Variants in PDE10A observed in about 807,000 individuals in gnomAD.
The protein encoded by PDE10A is phosphodiesterase 10A.
A neutral mutation model predicts 97.7 loss-of-function variants in PDE10A; 39 were observed. The observed-to-expected ratio is 0.40, with a 90% CI of 0.31 to 0.52. The LOEUF (loss-of-function observed/expected upper bound fraction) is 0.52, where lower values mean the gene tolerates loss of function less well. Ranked by LOEUF, PDE10A falls within the 20% of genes least tolerant of loss-of-function variation. The probability of loss-of-function intolerance (pLI) is 0.56; values close to 1 mark genes in which losing one functional copy is unlikely to be tolerated. For missense variants in PDE10A, 731 were observed against 1,047.8 expected, an observed-to-expected ratio of 0.70 and a Z score of 4.17; for synonymous variants, 371 against 376.8, an observed-to-expected ratio of 0.98 and a Z score of 0.18.
intron 1 of PDE10A, among the ~76,000 whole-genome samples, chr6:165,803,461 G>A (rs1779036201): frequency 6.6e-6 from 1 of 152,196 alleles, no homozygotes; most frequent in Non-Finnish European, 1.5e-5. Flanking sequence ...AATACAGGAG[G>A]GCACTGGTGG....
Position 165,788,518 on chromosome 6 carries a change from CAA to C in PDE10A, c.-615+199009_-615+199010del, listed in dbSNP as rs56927613. Among the ~76,000 whole-genome samples the C allele has an allele frequency of 1.7e-3, 130 of 74,718 alleles. 1 individual carries two copies. Among genetic ancestry groups the C allele is most frequent in the South Asian group, 5.5e-3 (10 of 1,804 alleles). 49.0% of individuals were successfully genotyped at this position (74,718 alleles called of 152,430 possible). On this transcript the variant is annotated intron_variant, in intron 1 of 19. Coordinates refer to the PDE10A transcript ENST00000366882. ...GAGCAACAAGAAGGAAACTCTGTCT[CAA>C]AAAAAAAAAAAAAAAAAAAGAAAAG... is the stretch of plus-strand genomic sequence containing the variant.
At chr6:165,646,870 C>A (rs532103801) in intron 1 of PDE10A, among the ~76,000 whole-genome samples, 2 of 152,322 alleles carry the variant, frequency 1.3e-5, no homozygotes, top group South Asian at 4.1e-4. Flanking sequence ...CAGTATTAAA[C>A]AATTCCAGAT....
At chr6:165,821,221 C>T (rs1779559814) in intron 1 of PDE10A, among the ~76,000 whole-genome samples, 1 of 152,178 alleles carries the variant, frequency 6.6e-6, no homozygotes, top group Non-Finnish European at 1.5e-5. Flanking sequence ...GGCCTGGATT[C>T]AGAACTCCGG....
intron 2 of PDE10A, among the ~76,000 whole-genome samples, chr6:165,508,001 G>T (rs542792717): frequency 1.3e-5 from 2 of 151,920 alleles, no homozygotes; most frequent in African/African-American, 2.4e-5. Flanking sequence ...TCTACCCAAA[G>T]CCCAGAAGAA....
At chr6:165,641,760 C>T (rs1002659628) in intron 1 of PDE10A, among the ~76,000 whole-genome samples, 1 of 152,222 alleles carries the variant, frequency 6.6e-6, no homozygotes, top group African/African-American at 2.4e-5. Flanking sequence ...TGTTCCTGAG[C>T]CTCACTTTGC....
chr6:165,603,504 C>T (rs1217470532), intron 1 of PDE10A, among the ~76,000 whole-genome samples: 1 of 152,230 alleles, frequency 6.6e-6, no homozygotes, highest in Non-Finnish European at 1.5e-5. Flanking sequence ...TAAAAGGCTT[C>T]TGAGTAACAG....
chr6:165,333,188 G>C lies in PDE10A; in HGVS notation c.3066-61C>G, dbSNP rs946748819. The C allele has an allele frequency of 8.7e-6, 9 of 1,040,118 alleles. No individual in the cohort carries two copies. In the African/African-American group the frequency reaches 1.4e-4, roughly 16 times the overall value. The allele number at this position is 1,040,118 out of a possible 1,614,324, so 64.4% of individuals were successfully genotyped here. A position where few individuals can be genotyped will look rare whatever the true frequency, so the allele number is the denominator to read the frequency against. On this transcript the variant is annotated intron_variant, in intron 21 of 21. Transcript: ENST00000539869. ...ATAAAGGATTTCTGGACTTTGTCTT[G>C]AAAACTAACCAAACAGTCCTGTGGC... is the stretch of plus-strand genomic sequence containing the variant.
chr6:165,943,230 AGAAAGAAGGAAGGAAG>A (rs1168748157), intron 1 of PDE10A, among the ~76,000 whole-genome samples: 8 of 40,170 alleles, frequency 2.0e-4, no homozygotes, highest in East Asian at 9.7e-4. Flanking sequence ...AAAGAAAGAA[AGAAAGAAGGAAGGAAG>A]GAAGGAAGGA....
At chr6:165,760,573 T>A (rs1583049321) in intron 1 of PDE10A, among the ~76,000 whole-genome samples, 2 of 152,330 alleles carry the variant, frequency 1.3e-5, no homozygotes, top group South Asian at 4.1e-4. Context: ...GGTGAATGAA[T>A]AACTTGTGTG....
chr6:165,832,433 T>A lies in PDE10A; in HGVS notation c.-615+155096A>T, dbSNP rs991864192. On this transcript the variant is annotated intron_variant, in intron 1 of 19. Coordinates refer to the PDE10A transcript ENST00000366882. ...TAGAATCCTGATTTAAAAAAAAAAA[T>A]TGGTGTGTGTTTTTCTTTTACTTAG... Among the ~76,000 whole-genome samples, 17 of 148,658 alleles carry A rather than the reference T, an allele frequency of 1.1e-4. No homozygotes were observed. The East Asian group carries it at 1.5e-3, about 14-fold the overall frequency.
At chr6:165,525,350 C>T (rs73039515) in intron 2 of PDE10A, among the ~76,000 whole-genome samples, 22,377 of 151,848 alleles carry the variant, frequency 0.15, 1,810 homozygotes, top group African/African-American at 0.22. Flanking sequence ...TGTTGCAGCT[C>T]GGGGAGTTAA....
chr6:165,815,863 G>A (rs566618721), intron 1 of PDE10A, among the ~76,000 whole-genome samples: 20 of 152,266 alleles, frequency 1.3e-4, no homozygotes, highest in Non-Finnish European at 2.6e-4. Context: ...GGAAGGGATG[G>A]TTCAGGAAAA....
intron 1 of PDE10A, among the ~76,000 whole-genome samples, chr6:165,648,015 T>C (rs1022673280): frequency 1.3e-5 from 2 of 152,236 alleles, no homozygotes; most frequent in Non-Finnish European, 2.9e-5. Flanking sequence ...CATTTGTTTT[T>C]CTTTTTTCTT....
intron 1 of PDE10A, among the ~76,000 whole-genome samples, chr6:165,876,510 T>C (rs1266560999): frequency 1.3e-5 from 2 of 152,174 alleles, no homozygotes; most frequent in African/African-American, 4.8e-5. Flanking sequence ...GGCTTTTCAT[T>C]CTGACTATTC....
At chr6:165,454,714 T>C (rs1234006384) in intron 3 of PDE10A, among the ~76,000 whole-genome samples, 1 of 152,176 alleles carries the variant, frequency 6.6e-6, no homozygotes, top group Non-Finnish European at 1.5e-5. Context: ...AATAAATTTA[T>C]TTTATTTATA....
chr6:165,832,653 C>T (rs1287882274), intron 1 of PDE10A, among the ~76,000 whole-genome samples: 2 of 152,130 alleles, frequency 1.3e-5, no homozygotes, highest in African/African-American at 2.4e-5. Flanking sequence ...TCATCAAAGC[C>T]GTTTCCTCGG....
At chr6:165,340,309 C>T (rs982980136) in intron 19 of PDE10A, among the ~76,000 whole-genome samples, 3 of 151,996 alleles carry the variant, frequency 2.0e-5, no homozygotes, top group Admixed American at 6.6e-5. Context: ...ATTTTAGTAA[C>T]GTTGGTCATG....
chr6:165,937,326 T>C (rs1168086112), intron 1 of PDE10A, among the ~76,000 whole-genome samples: 1 of 152,232 alleles, frequency 6.6e-6, no homozygotes, highest in Non-Finnish European at 1.5e-5. Flanking sequence ...TTAGCTAGCA[T>C]ACAGATTTTA....
intron 1 of PDE10A, among the ~76,000 whole-genome samples, chr6:165,622,862 G>T (rs1377734441): frequency 2.0e-5 from 3 of 152,176 alleles, no homozygotes; most frequent in Non-Finnish European, 4.4e-5. Context: ...CCCGTGGGAG[G>T]TGTTTGGACC....
Sources: gnomAD v4.1 joint callset for allele counts (sites outside exome capture counted in the v4.1 genomes callset) on GRCh38, gnomAD v4.1.1 for gene constraint, MANE v1.5 for transcripts, NCBI Gene and HGNC (gene_info 2026-07-23, HGNC 2026-07-21) for gene names.